The following ZNF782 variants were observed in gnomAD, a reference collection of about 807,000 sequenced individuals.
ZNF782 encodes zinc finger protein 782.
In ZNF782, 12 loss-of-function variants were observed where a neutral mutation model predicts 13.0. The ratio of observed to expected loss-of-function variants is 0.92; its 90% CI spans 0.59 to 1.50. The LOEUF (loss-of-function observed/expected upper bound fraction) is 1.50, where lower values mean the gene tolerates loss of function less well. ZNF782 is among the 40% of genes most tolerant of loss of function. The probability of loss-of-function intolerance (pLI) is 0.00; values close to 1 mark genes in which losing one functional copy is unlikely to be tolerated. For synonymous variants in ZNF782, 284 were observed against 283.0 expected (o/e 1.00, Z -0.04); for missense variants, 770 against 822.9 (o/e 0.94, Z 0.79).
chr9:96,903,717 C>G, the ZNF782 span, among the ~76,000 whole-genome samples: 1 of 151,414 alleles, frequency 6.6e-6, no homozygotes, highest in Non-Finnish European at 1.5e-5. Flanking sequence ...CGCCCGCCAC[C>G]ACACCCGGCT....
Position 96,866,672 on chromosome 9 carries a change from C to T in ZNF782, c.-456-5069G>A, listed in dbSNP as rs138188164. 7.0e-3 allele frequency among the ~76,000 whole-genome samples: 1,062 copies of T among 152,268 alleles called. 7 individuals carry two copies. Among genetic ancestry groups the T allele is most frequent in the Middle Eastern group, 0.051 (15 of 294 alleles). On this transcript the variant is annotated intron_variant, in intron 1 of 5. Transcript: ENST00000498811. ...TGGTAGATCCACTGACAGCCTGCAC[C>T]GTGTGCCTGGAAAAACCCCACTCAA...
At position 96,844,776 on chromosome 9, in the gene ZNF782, A is replaced by T. The variant is rs182296252; in HGVS notation, c.142+114T>A. 18 of 1,471,204 alleles carry T rather than the reference A, an allele frequency of 1.2e-5. No homozygotes were observed. In the East Asian group the frequency reaches 4.2e-4, roughly 34 times the overall value. The allele number at this position is 1,471,204 out of a possible 1,614,324, so 91.1% of individuals were successfully genotyped here. A position where few individuals can be genotyped will look rare whatever the true frequency, so the allele number is the denominator to read the frequency against. Reference sequence around the variant, plus strand: ...TCAATAAAAGTGACTAATATAAAAAAGGAAAACCAGAATTGCACTGTAGAG... The same window carrying T: ...TCAATAAAAGTGACTAATATAAAAATGGAAAACCAGAATTGCACTGTAGAG... On this transcript the variant is annotated intron_variant, in intron 4 of 5. Coordinates refer to ENST00000481138, the MANE Select transcript of ZNF782 (RefSeq NM_001001662.3).
rs1288338002 is a variant in ZNF782, at chr9:96,817,932, T to G, written c.2091A>C (p.Pro697=). 12 of 1,562,682 alleles carry G rather than the reference T, an allele frequency of 7.7e-6. No individual in the cohort carries two copies. The South Asian group carries it at 1.2e-4, about 16-fold the overall frequency. ...SSLREHQKAH[P]GD is the part of the protein sequence containing the mutation. ...CTTTATATGCATACATTTAATCCCC[T>G]GGGTGGGCTTTCTGATGTTCTCTAA... Residue 697 remains proline, a synonymous_variant, in exon 6 of 6, where the codon CCA becomes CCC. Transcript: ENST00000481138.
At chr9:96,921,738 G>T in the ZNF782 span, among the ~76,000 whole-genome samples, 2 of 147,930 alleles carry the variant, frequency 1.4e-5, no homozygotes, top group East Asian at 4.1e-4. Context: ...ACCCAGGCTG[G>T]ATTGGAGTGC....
intron 1 of ZNF782, among the ~76,000 whole-genome samples, chr9:96,867,886 A>G (rs1223068343): frequency 1.3e-5 from 2 of 152,202 alleles, no homozygotes; most frequent in Non-Finnish European, 2.9e-5. Context: ...TAGGAATCCA[A>G]CTGCATAGCC....
At chr9:96,848,004 T>C (rs1176593782) in intron 3 of ZNF782, among the ~76,000 whole-genome samples, 1 of 152,250 alleles carries the variant, frequency 6.6e-6, no homozygotes, top group East Asian at 1.9e-4. Flanking sequence ...GATGCAGGGA[T>C]GGTTTAACAT....
chr9:96,852,102 T>C (rs2118812888), intron 2 of ZNF782, 97 bp from the exon 3 acceptor site: 1 of 756,850 alleles, frequency 1.3e-6, no homozygotes, highest in South Asian at 1.7e-5. Context: ...GAGAGCAGCC[T>C]TCCTAAGGTA....
chr9:96,885,460 G>A, the ZNF782 span, among the ~76,000 whole-genome samples: 2 of 152,102 alleles, frequency 1.3e-5, no homozygotes, highest in East Asian at 3.9e-4. Flanking sequence ...CAGAAAAAAA[G>A]GTAAGAAAAG....
chr9:96,892,350 T>C, the ZNF782 span: 1 of 152,184 alleles, frequency 6.6e-6, no homozygotes, highest in African/African-American at 2.4e-5. Context: ...CCACCTGCTG[T>C]GGAGTTCACG....
the ZNF782 span, chr9:96,895,185 A>T: frequency 2.0e-5 from 3 of 152,262 alleles, no homozygotes; most frequent in African/African-American, 7.2e-5. Context: ...ACTGGATCCC[A>T]GGATGGCAGG....
chr9:96,893,461 A>T, the ZNF782 span: 1 of 152,198 alleles, frequency 6.6e-6, no homozygotes, highest in African/African-American at 2.4e-5. Context: ...ATTGTAGAAA[A>T]CAGTGTGGCA....
At chr9:96,912,362 T>C in the ZNF782 span, among the ~76,000 whole-genome samples, 6 of 148,018 alleles carry the variant, frequency 4.1e-5, no homozygotes, top group Non-Finnish European at 9.1e-5. Flanking sequence ...CCGTCTCTAC[T>C]AAAAATACAA....
chr9:96,922,338 A>G, the ZNF782 span, among the ~76,000 whole-genome samples: 1,712 of 152,280 alleles, frequency 0.011, 41 homozygotes, highest in African/African-American at 0.039. Flanking sequence ...ATTCTCTGTT[A>G]TACCTTGTTG....
At chr9:96,881,245 TTA>T in the ZNF782 span, among the ~76,000 whole-genome samples, 1 of 152,126 alleles carries the variant, frequency 6.6e-6, no homozygotes, top group African/African-American at 2.4e-5. Flanking sequence ...TCTTTTGTTT[TTA>T]TGTTTTCAAT....
the ZNF782 span, among the ~76,000 whole-genome samples, chr9:96,922,647 G>A: frequency 6.6e-6 from 1 of 151,440 alleles, no homozygotes; most frequent in African/African-American, 2.4e-5. Flanking sequence ...GGTGGCAGGT[G>A]CCTGTAGTCC....
the ZNF782 span, chr9:96,889,402 AT>A: frequency 0.092 from 13,349 of 145,358 alleles, 1,319 homozygotes; most frequent in African/African-American, 0.24. Context: ...CCCAAAACTA[AT>A]TTTTTTTTTT....
the ZNF782 span, among the ~76,000 whole-genome samples, chr9:96,902,693 T>C: frequency 1.4e-4 from 20 of 143,594 alleles, no homozygotes; most frequent in Non-Finnish European, 6.0e-5. Flanking sequence ...ACATTTTTAT[T>C]GTATTCATGT....
Position 96,817,795 on chromosome 9 carries a change from G to T in ZNF782, c.*128C>A. On this transcript the variant is annotated 3_prime_UTR_variant, in exon 6 of 6. Coordinates refer to ENST00000481138, the MANE Select transcript of ZNF782 (RefSeq NM_001001662.3). Reference sequence around the variant, plus strand: ...TATCTTCTATTCTTTGATATTTGGTGGAGGCTGAAATTGTAGAGGAAATTC... The same window carrying T: ...TATCTTCTATTCTTTGATATTTGGTTGAGGCTGAAATTGTAGAGGAAATTC... 1.3e-6 allele frequency: 1 copy of T among 766,798 alleles called. No individual in the cohort carries two copies. Among genetic ancestry groups the T allele is most frequent in the South Asian group, 2.6e-5 (1 of 38,466 alleles). The allele number at this position is 766,798 out of a possible 1,614,324, so 47.5% of individuals were successfully genotyped here.
At chr9:96,848,247 C>T (rs904609088) in intron 3 of ZNF782, among the ~76,000 whole-genome samples, 3 of 152,046 alleles carry the variant, frequency 2.0e-5, no homozygotes, top group African/African-American at 7.2e-5. Context: ...CCCCTGAGAA[C>T]AGAAACAAGA....
Sources: gnomAD v4.1 joint callset for allele counts (sites outside exome capture counted in the v4.1 genomes callset) on GRCh38, gnomAD v4.1.1 for gene constraint, MANE v1.5 for transcripts, NCBI Gene and HGNC (gene_info 2026-07-23, HGNC 2026-07-21) for gene names.